Variants in MYBL2 observed in about 807,000 individuals in gnomAD.
MYBL2 encodes myb-related protein B.
MYBL2 carries 28 observed loss-of-function variants against 79.9 expected under a neutral mutation model. The observed-to-expected ratio is 0.35, with a 90% confidence interval of 0.26 to 0.48. The LOEUF (loss-of-function observed/expected upper bound fraction) is 0.48, where lower values mean the gene tolerates loss of function less well. MYBL2 is among the 20% of genes least tolerant of loss of function. The pLI is 0.99. For synonymous variants in MYBL2, 378 were observed against 361.2 expected, an observed-to-expected ratio of 1.05 and a Z score of -0.53; for missense variants, 735 against 893.9, an observed-to-expected ratio of 0.82 and a Z score of 2.27.
intron 1 of MYBL2, among the ~76,000 whole-genome samples, chr20:43,672,867 C>T (rs117538729): frequency 2.8e-3 from 425 of 152,244 alleles, no homozygotes; most frequent in Non-Finnish European, 4.9e-3. Flanking sequence ...CTTAAAATAT[C>T]CATGCAGGTT....
intron 7 of MYBL2, 53 bp from the exon 8 acceptor site, chr20:43,702,437 C>T: frequency 6.6e-7 from 1 of 1,514,096 alleles, no homozygotes; most frequent in Non-Finnish European, 9.0e-7. Flanking sequence ...TGAATGAGTC[C>T]TCTTGTATTA....
At chr20:43,684,085 T>C (rs2145715789) in intron 4 of MYBL2, among the ~76,000 whole-genome samples, 1 of 152,174 alleles carries the variant, frequency 6.6e-6, no homozygotes, top group African/African-American at 2.4e-5. Flanking sequence ...CCACCATGTC[T>C]GGCTAATCTT....
chr20:43,670,131 G>A (rs970307693), intron 1 of MYBL2, among the ~76,000 whole-genome samples: 2 of 151,666 alleles, frequency 1.3e-5, no homozygotes, highest in Admixed American at 6.6e-5. Flanking sequence ...CAAACAAACA[G>A]CATTGGAGCA....
intron 1 of MYBL2, among the ~76,000 whole-genome samples, chr20:43,673,135 G>A (rs1361688273): frequency 6.6e-6 from 1 of 151,704 alleles, no homozygotes; most frequent in Non-Finnish European, 1.5e-5. Context: ...GTAGAGATGG[G>A]GTTTCACTGT....
chr20:43,669,690 G>GT (rs1986813590), intron 1 of MYBL2, among the ~76,000 whole-genome samples: 1 of 152,216 alleles, frequency 6.6e-6, no homozygotes, highest in African/African-American at 2.4e-5. Context: ...AACTTGGCAG[G>GT]TGGCCTCACC....
At chr20:43,685,404 C>T (rs1202166379) in intron 4 of MYBL2, among the ~76,000 whole-genome samples, 1 of 151,716 alleles carries the variant, frequency 6.6e-6, no homozygotes, top group African/African-American at 2.4e-5. Flanking sequence ...TGGTCTTGAA[C>T]TCCTGACCTC....
intron 4 of MYBL2, among the ~76,000 whole-genome samples, chr20:43,684,758 G>A (rs1341649387): frequency 6.6e-6 from 1 of 151,192 alleles, no homozygotes; most frequent in African/African-American, 2.4e-5. Context: ...GATTGCTTGA[G>A]CCCAGGAGTT....
chr20:43,698,939 G>C (rs1037159836), intron 6 of MYBL2, among the ~76,000 whole-genome samples: 2 of 150,298 alleles, frequency 1.3e-5, no homozygotes, highest in Non-Finnish European at 3.0e-5. Context: ...AGGAACTCAA[G>C]GGACCCAATT....
At chr20:43,708,661 G>A (rs1987841607) in intron 9 of MYBL2, among the ~76,000 whole-genome samples, 1 of 152,138 alleles carries the variant, frequency 6.6e-6, no homozygotes. Context: ...CTGGCCTCAA[G>A]TGATCCTCTC....
intron 6 of MYBL2, among the ~76,000 whole-genome samples, chr20:43,695,608 T>C (rs957592647): frequency 1.3e-5 from 2 of 152,076 alleles, no homozygotes; most frequent in African/African-American, 4.8e-5. Context: ...TCCCAGCACT[T>C]TGTGAGGCCA....
chr20:43,716,188 A>G lies in MYBL2; in HGVS notation c.*101A>G. ...GTCATTCAGGTGACCTCCTGCAGGGAGCCTTCTGCCACCAGCCCCTCCCCA... is the reference window on the plus strand; with the variant it reads ...GTCATTCAGGTGACCTCCTGCAGGGGGCCTTCTGCCACCAGCCCCTCCCCA... On this transcript the variant is annotated 3_prime_UTR_variant, in exon 14 of 14. Transcript: ENST00000217026. 1 of 1,557,110 alleles carries G rather than the reference A, an allele frequency of 6.4e-7. No homozygotes were observed. Among genetic ancestry groups the G allele is most frequent in the African/African-American group, 1.4e-5 (1 of 72,810 alleles).
chr20:43,678,331 G>A (rs113761765), intron 2 of MYBL2, among the ~76,000 whole-genome samples: 12 of 142,968 alleles, frequency 8.4e-5, no homozygotes, highest in African/African-American at 2.9e-4. Flanking sequence ...AAGAAAGAAA[G>A]AAAAAAAAAA....
At chr20:43,669,498 G>A (rs1326459570) in intron 1 of MYBL2, among the ~76,000 whole-genome samples, 2 of 152,174 alleles carry the variant, frequency 1.3e-5, no homozygotes, top group Admixed American at 6.5e-5. Flanking sequence ...CCCACTTCCC[G>A]CTTTGTCTCT....
Position 43,711,021 on chromosome 20 carries a change from T to C in MYBL2, c.1606-467T>C, listed in dbSNP as rs577631102. Among the ~76,000 whole-genome samples the C allele has an allele frequency of 1.6e-4, 25 of 152,302 alleles. No homozygotes were observed. The South Asian group carries it at 5.2e-3, about 32-fold the overall frequency. ...TAGTAGCACTCGCCCTCCCCTGTTC[T>C]CTGTTGCCTGAAGCTGGAGAGGTCC... is the stretch of plus-strand genomic sequence containing the variant. On this transcript the variant is annotated intron_variant, in intron 10 of 13. Coordinates refer to ENST00000217026, the MANE Select transcript of MYBL2 (RefSeq NM_002466.4).
intron 2 of MYBL2, among the ~76,000 whole-genome samples, chr20:43,676,555 G>A (rs1987014001): frequency 6.6e-6 from 1 of 152,188 alleles, no homozygotes; most frequent in Non-Finnish European, 1.5e-5. Flanking sequence ...ATACCACACA[G>A]CGTTTCACCT....
chr20:43,705,389 G>A (rs761366577), intron 9 of MYBL2, 31 bp downstream of exon 9: 6 of 1,568,348 alleles, frequency 3.8e-6, no homozygotes, highest in South Asian at 3.5e-5. Context: ...AACCTTCGCC[G>A]TCCTCTCCCT....
intron 2 of MYBL2, among the ~76,000 whole-genome samples, chr20:43,674,224 T>TCCCCCCCC (rs149334286): frequency 6.9e-5 from 4 of 58,202 alleles, no homozygotes; most frequent in African/African-American, 1.6e-4. Context: ...AATCTGTAAC[T>TCCCCCCCC]CCCCCCACCC....
chr20:43,687,853 T>C (rs1407494797), intron 5 of MYBL2, among the ~76,000 whole-genome samples: 1 of 151,792 alleles, frequency 6.6e-6, no homozygotes, highest in Non-Finnish European at 1.5e-5. Flanking sequence ...TCATCTCTAC[T>C]AAAAATACAA....
At chr20:43,683,752 C>T (rs1014877177) in intron 4 of MYBL2, among the ~76,000 whole-genome samples, 7 of 151,974 alleles carry the variant, frequency 4.6e-5, no homozygotes, top group African/African-American at 1.7e-4. Flanking sequence ...GATGGGGTTT[C>T]ACCATGTTGG....
Sources: allele counts gnomAD v4.1 joint callset (sites outside exome capture counted in the v4.1 genomes callset), GRCh38; gene constraint gnomAD v4.1.1; transcripts MANE v1.5; gene names NCBI Gene and HGNC (gene_info 2026-07-23, HGNC 2026-07-21).